The following MTA3 variants were observed in gnomAD, a reference collection of about 807,000 sequenced individuals.
MTA3 encodes metastasis associated 1 family member 3.
MTA3 carries 34 observed loss-of-function variants against 83.5 expected under a neutral mutation model. The observed-to-expected ratio is 0.41, with a 90% CI of 0.31 to 0.54. MTA3 has a LOEUF of 0.54. MTA3 is among the 20% of genes least tolerant of loss of function. The probability of loss-of-function intolerance (pLI) is 0.33; values close to 1 mark genes in which losing one functional copy is unlikely to be tolerated. For synonymous variants in MTA3, 303 were observed against 252.7 expected, an observed-to-expected ratio of 1.20 and a Z score of -1.89; for missense variants, 761 against 726.4, an observed-to-expected ratio of 1.05 and a Z score of -0.55.
intron 8 of MTA3, among the ~76,000 whole-genome samples, chr2:42,668,657 A>T (rs1690513276): frequency 6.6e-6 from 1 of 152,066 alleles, no homozygotes; most frequent in South Asian, 2.1e-4. Context: ...AGCCTTATTG[A>T]TTGTCTGATA....
At chr2:42,669,016 G>A (rs907377925) in intron 8 of MTA3, among the ~76,000 whole-genome samples, 2 of 150,544 alleles carry the variant, frequency 1.3e-5, no homozygotes, top group East Asian at 3.9e-4. Context: ...TGTGAGTCTT[G>A]TTTCATTTAG....
chr2:42,746,961 G>C (rs1193659233), intron 16 of MTA3, among the ~76,000 whole-genome samples: 1 of 152,060 alleles, frequency 6.6e-6, no homozygotes, highest in African/African-American at 2.4e-5. Context: ...TGAATAGACT[G>C]AGGGGGGAAA....
chr2:42,559,520 T>A lies in MTA3; in HGVS notation c.-140-10917T>A, dbSNP rs868543885. Among the ~76,000 whole-genome samples the A allele has an allele frequency of 6.9e-3, 1,011 of 146,896 alleles. 13 individuals are homozygous for A. The highest frequency in any genetic ancestry group is 0.024 in the African/African-American group (971 of 39,928). On this transcript the variant is annotated intron_variant, in intron 2 of 17. Transcript: ENST00000405592. ...TTGTCTCAAAAAAAAAAAAAAAAAA[T>A]TTTGTTTTCCCATTTCATCTCTTAT... is the stretch of plus-strand genomic sequence containing the variant.
At chr2:42,675,558 A>T (rs1267884769) in intron 8 of MTA3, among the ~76,000 whole-genome samples, 1 of 152,212 alleles carries the variant, frequency 6.6e-6, no homozygotes, top group Non-Finnish European at 1.5e-5. Flanking sequence ...CCACCACTAG[A>T]TGGTAAAGAA....
chr2:42,732,781 A>G lies in MTA3; in HGVS notation c.1759+9746A>G, dbSNP rs145604622. 2.9e-3 allele frequency among the ~76,000 whole-genome samples: 448 copies of G among 152,360 alleles called. 1 individual carries two copies. The highest frequency in any genetic ancestry group is 6.8e-3 in the South Asian group (33 of 4,828). ...TTGCTGCTTAGAAATTTTTTCTGCC[A>G]GATATGCTAAATCATCTTTCTCAAG... On this transcript the variant is annotated intron_variant, in intron 16 of 16. Coordinates refer to ENST00000405094, the MANE Select transcript of MTA3 (RefSeq NM_001330442.2).
At chr2:42,525,192 TTCTTC>T (rs894454822) in intron 2 of MTA3, among the ~76,000 whole-genome samples, 32 of 125,658 alleles carry the variant, frequency 2.5e-4, no homozygotes, top group African/African-American at 5.9e-4. Context: ...CTTTTTCTTC[TTCTTC>T]TTTTTTTTTT....
At chr2:42,680,158 A>C (rs1691740357) in intron 8 of MTA3, 1 of 152,868 alleles carries the variant, frequency 6.5e-6, no homozygotes, top group South Asian at 2.1e-4. Context: ...TGGGATAGCA[A>C]CTCCTAAGTG....
intron 8 of MTA3, among the ~76,000 whole-genome samples, chr2:42,664,846 C>T (rs991396355): frequency 1.3e-5 from 2 of 152,038 alleles, no homozygotes; most frequent in African/African-American, 4.8e-5. Context: ...AATCTGACAT[C>T]GATTTATCCG....
intron 4 of MTA3, among the ~76,000 whole-genome samples, chr2:42,621,447 A>G (rs1057268732): frequency 2.0e-5 from 3 of 152,220 alleles, no homozygotes; most frequent in Non-Finnish European, 4.4e-5. Flanking sequence ...CCGGGTTGGG[A>G]GTAAGGTCAT....
chr2:42,605,195 G>C (rs1181228386), intron 3 of MTA3, among the ~76,000 whole-genome samples: 2 of 143,498 alleles, frequency 1.4e-5, no homozygotes, highest in Non-Finnish European at 3.1e-5. Context: ...CGGACGGGGC[G>C]GCTGGCCGGG....
chr2:42,731,915 G>A (rs1668257403), intron 16 of MTA3, among the ~76,000 whole-genome samples: 1 of 152,310 alleles, frequency 6.6e-6, no homozygotes, highest in East Asian at 1.9e-4. Flanking sequence ...CCAAATGGGA[G>A]AAATTGGCCA....
intron 11 of MTA3, among the ~76,000 whole-genome samples, chr2:42,700,770 A>T (rs1050542729): frequency 6.6e-6 from 1 of 152,206 alleles, no homozygotes; most frequent in African/African-American, 2.4e-5. Flanking sequence ...TGTCAGCTGA[A>T]AACCGTAAGA....
chr2:42,711,781 A>AGTGTGTGTGTGTGTGT (rs1328473255), intron 14 of MTA3, among the ~76,000 whole-genome samples: 10 of 148,440 alleles, frequency 6.7e-5, no homozygotes, highest in African/African-American at 2.5e-4. Context: ...GGAGAGAGAG[A>AGTGTGTGTGTGTGTGT]GAGTGTGTGT....
intron 2 of MTA3, among the ~76,000 whole-genome samples, chr2:42,542,839 G>C (rs935681537): frequency 2.0e-5 from 3 of 152,120 alleles, no homozygotes; most frequent in Non-Finnish European, 2.9e-5. Flanking sequence ...TTACAGGCGT[G>C]ACCCACTGCA....
intron 8 of MTA3, among the ~76,000 whole-genome samples, chr2:42,668,025 T>A (rs1490714043): frequency 2.0e-5 from 3 of 152,192 alleles, no homozygotes; most frequent in Admixed American, 6.5e-5. Context: ...CCTACCTTTG[T>A]CTGAGTTTCC....
At chr2:42,603,125 T>C (rs1419024770) in intron 3 of MTA3, among the ~76,000 whole-genome samples, 1 of 125,786 alleles carries the variant, frequency 8.0e-6, no homozygotes, top group African/African-American at 3.1e-5. Context: ...TTTTTTTTTT[T>C]GCTGGGGGTA....
intron 14 of MTA3, among the ~76,000 whole-genome samples, chr2:42,714,731 C>T (rs1461233462): frequency 6.6e-6 from 1 of 152,058 alleles, no homozygotes; most frequent in African/African-American, 2.4e-5. Flanking sequence ...TGGTGTGGGC[C>T]GTGATGGTTT....
intron 2 of MTA3, among the ~76,000 whole-genome samples, chr2:42,525,475 A>ATTCCTTCCTTCCTTCCTTCATTCT (rs1553337620): frequency 7.4e-6 from 1 of 135,506 alleles, no homozygotes; most frequent in Admixed American, 7.6e-5. Context: ...GCTAGGATCA[A>ATTCCTTCCTTCCTTCCTTCATTCT]TTCCTTCCTT....
chr2:42,705,052 C>T (rs910954976), intron 12 of MTA3, among the ~76,000 whole-genome samples: 2 of 152,072 alleles, frequency 1.3e-5, no homozygotes, highest in Non-Finnish European at 2.9e-5. Context: ...TACTTGGTGC[C>T]CCATTTTGGG....
Sources: allele counts gnomAD v4.1 joint callset (sites outside exome capture counted in the v4.1 genomes callset), GRCh38; gene constraint gnomAD v4.1.1; transcripts MANE v1.5; gene names NCBI Gene and HGNC (gene_info 2026-07-23, HGNC 2026-07-21).